Variants in DCTN4 observed in about 807,000 individuals in gnomAD.
DCTN4 encodes dynactin subunit 4, also known as dynactin 4 (p62).
Under a neutral mutation model 62.7 loss-of-function variants are expected in DCTN4, and 23 were observed. The ratio of observed to expected loss-of-function variants is 0.37; its 90% CI spans 0.26 to 0.52. The LOEUF is 0.52. DCTN4 is among the 20% of genes least tolerant of loss of function. The pLI is 0.92. For missense variants in DCTN4, 514 were observed against 580.4 expected (o/e 0.89, Z 1.18); for synonymous variants, 199 against 202.1 (o/e 0.98, Z 0.13).
chr5:150,754,931 T>G lies in DCTN4; in HGVS notation c.207-1274A>C, dbSNP rs909915473. Among the ~76,000 whole-genome samples, 3 of 151,550 alleles carry G rather than the reference T, an allele frequency of 2.0e-5. No individual in the cohort carries two copies. In the East Asian group the frequency reaches 5.8e-4, roughly 29 times the overall value. On this transcript the variant is annotated intron_variant, in intron 2 of 12. Transcript: ENST00000447998. ...TGAGCCAAGATTGCACCACTGCACTTCAACCTAGGCGCCAAAGTGAGACCC... is the reference window on the plus strand; with the variant it reads ...TGAGCCAAGATTGCACCACTGCACTGCAACCTAGGCGCCAAAGTGAGACCC...
At chr5:150,752,944 G>A (rs537908058) in intron 3 of DCTN4, among the ~76,000 whole-genome samples, 71 of 151,350 alleles carry the variant, frequency 4.7e-4, no homozygotes, top group Middle Eastern at 6.8e-3. Flanking sequence ...TCGGCTCACC[G>A]CAAGCTCTGC....
chr5:150,728,369 A>G lies in DCTN4; in HGVS notation c.834+2262T>C, dbSNP rs137996543. ...CTGTGTGTACTTGAAAAGAATGCAT[A>G]TATTCTGCAGACATTGGGTACAGTA... is the stretch of plus-strand genomic sequence containing the variant. On this transcript the variant is annotated intron_variant, in intron 8 of 12. Transcript: ENST00000447998. Among the ~76,000 whole-genome samples, 161 of 152,298 alleles carry G rather than the reference A, an allele frequency of 1.1e-3. 2 individuals carry two copies. The highest frequency in any genetic ancestry group is 3.7e-3 in the African/African-American group (155 of 41,568).
chr5:150,719,215 C>T (rs1759876753), intron 10 of DCTN4, among the ~76,000 whole-genome samples: 1 of 152,084 alleles, frequency 6.6e-6, no homozygotes, highest in Non-Finnish European at 1.5e-5. Flanking sequence ...AATGAAGGCC[C>T]ATGTAATAAA....
chr5:150,745,695 G>A (rs1324194778), intron 3 of DCTN4, among the ~76,000 whole-genome samples: 2 of 152,036 alleles, frequency 1.3e-5, no homozygotes, highest in Admixed American at 6.6e-5. Flanking sequence ...ATGACTGCTG[G>A]GTATATAACA....
chr5:150,733,988 C>T (rs1760481667), intron 4 of DCTN4: 1 of 152,502 alleles, frequency 6.6e-6, no homozygotes, highest in African/African-American at 2.4e-5. Context: ...GCCAGGAGTT[C>T]AAAACCAGCC....
chr5:150,753,133 G>A (rs1752737501), intron 3 of DCTN4, among the ~76,000 whole-genome samples: 1 of 152,168 alleles, frequency 6.6e-6, no homozygotes, highest in Admixed American at 6.5e-5. Flanking sequence ...CCAAAGTGCT[G>A]GGATTACAGG....
At chr5:150,747,471 C>G (rs948759882) in intron 3 of DCTN4, among the ~76,000 whole-genome samples, 42 of 152,244 alleles carry the variant, frequency 2.8e-4, no homozygotes, top group African/African-American at 1.0e-3. Context: ...AAAAAGAGCC[C>G]GCATTGCCAA....
chr5:150,732,035 A>T, intron 5 of DCTN4: 1 of 809,826 alleles, frequency 1.2e-6, no homozygotes, highest in Non-Finnish European at 2.1e-6. Flanking sequence ...TTCAAATTCT[A>T]CCTCTAAATA....
intron 1 of DCTN4, chr5:150,758,475 C>T (rs73278075): frequency 0.072 from 71,234 of 994,634 alleles, 6,130 homozygotes; most frequent in African/African-American, 0.39. Context: ...TGAATGAGAA[C>T]GCCTGCGCCT....
chr5:150,721,642 A>G (rs1243737523), intron 9 of DCTN4, among the ~76,000 whole-genome samples: 1 of 152,164 alleles, frequency 6.6e-6, no homozygotes, highest in Non-Finnish European at 1.5e-5. Context: ...TTCCTTTCCC[A>G]TAAGCTACCT....
intron 4 of DCTN4, among the ~76,000 whole-genome samples, chr5:150,739,042 G>A (rs562836599): frequency 2.0e-5 from 3 of 152,130 alleles, no homozygotes; most frequent in South Asian, 2.1e-4. Flanking sequence ...AAAAATATGC[G>A]TGGTAGCGGG....
intron 11 of DCTN4, among the ~76,000 whole-genome samples, chr5:150,716,901 G>A (rs1192856363): frequency 2.0e-5 from 3 of 147,994 alleles, no homozygotes; most frequent in African/African-American, 7.7e-5. Flanking sequence ...CCTGGCGACC[G>A]AGTGAGATTC....
intron 1 of DCTN4, among the ~76,000 whole-genome samples, chr5:150,757,384 C>A (rs756834814): frequency 3.9e-5 from 6 of 152,148 alleles, no homozygotes; most frequent in Non-Finnish European, 7.4e-5. Context: ...CAGCTCCAGA[C>A]CCAGATTCTC....
intron 3 of DCTN4, among the ~76,000 whole-genome samples, chr5:150,751,593 T>C (rs1752678157): frequency 6.6e-6 from 1 of 152,118 alleles, no homozygotes; most frequent in Admixed American, 6.5e-5. Flanking sequence ...CTTTAACTTA[T>C]CTCCTATACT....
At chr5:150,755,483 T>A (rs1023334008) in intron 2 of DCTN4, 17 of 455,600 alleles carry the variant, frequency 3.7e-5, no homozygotes, top group Middle Eastern at 3.2e-4. Flanking sequence ...CAGTGACAAG[T>A]CATAAGTATT....
Position 150,719,782 on chromosome 5 carries a change from T to TA in DCTN4, c.909-13dup, listed in dbSNP as rs113851365. 28 of 1,580,944 alleles carry TA rather than the reference T, an allele frequency of 1.8e-5. No individual in the cohort carries two copies. Among genetic ancestry groups the TA allele is most frequent in the African/African-American group, 1.6e-4 (12 of 74,038 alleles). ...CTGGAATATAATTGCTGTGCATAAA[T>TA]AAAAAAATGCATTAATGTTCATTGG... On this transcript the variant is annotated splice_polypyrimidine_tract_variant and intron_variant, in intron 9 of 12. Transcript: ENST00000447998.
Position 150,733,396 on chromosome 5 carries a change from C to A in DCTN4, c.509G>T (p.Arg170Leu). The change falls in exon 5 of 13, where the codon CGT becomes CTT. Residue 170 changes from arginine (R) to leucine (L), a missense_variant. Physicochemically the swap from Arg to Leu is moderately radical, Grantham distance 102. Transcript: ENST00000447998. Reference protein sequence around the residue: ...VERDRKKLARRRNYMPLAFSD... With the variant: ...VERDRKKLARLRNYMPLAFSD... ...AAAAGCCAGAGGCATATAGTTTCTA[C>A]GTCGTGCCAGTTTCTTGCGATCTCG... is the stretch of plus-strand genomic sequence containing the variant. 1.2e-6 allele frequency: 2 copies of A among 1,613,934 alleles called. No homozygotes were observed. The highest frequency in any genetic ancestry group is 1.7e-6 in the Non-Finnish European group (2 of 1,179,906).
At position 150,758,999 on chromosome 5, in the gene DCTN4, G is replaced by A. The variant is rs1376696334; in HGVS notation, c.-6C>T. 2.5e-6 allele frequency: 4 copies of A among 1,613,142 alleles called. No individual in the cohort carries two copies. Among genetic ancestry groups the A allele is most frequent in the Admixed American group, 1.7e-5 (1 of 59,980 alleles). ...GACTGCAGCAAGGACGCCATCTTGG[G>A]GAGGGAGGAGGCGATGACGCTCCCG... is the stretch of plus-strand genomic sequence containing the variant. On this transcript the variant is annotated 5_prime_UTR_variant, in exon 1 of 13. Transcript: ENST00000447998.
chr5:150,712,187 T>C (rs1396346065), intron 12 of DCTN4, among the ~76,000 whole-genome samples: 1 of 152,322 alleles, frequency 6.6e-6, no homozygotes, highest in African/African-American at 2.4e-5. Context: ...TGGAGTGCAG[T>C]GGCGCAATCT....
Sources: allele counts gnomAD v4.1 joint callset (sites outside exome capture counted in the v4.1 genomes callset), GRCh38; gene constraint gnomAD v4.1.1; transcripts MANE v1.5; gene names NCBI Gene and HGNC (gene_info 2026-07-23, HGNC 2026-07-21).